ELAPOR1: variants seen among roughly 807,000 people sequenced by gnomAD.
ELAPOR1 encodes endosome/lysosome-associated apoptosis and autophagy regulator 1.
A neutral mutation model predicts 119.7 loss-of-function variants in ELAPOR1; 77 were observed. The observed-to-expected ratio is 0.64, with a 90% CI of 0.54 to 0.78. The LOEUF is 0.78. Ranked by LOEUF, ELAPOR1 falls within the 30% of genes least tolerant of loss-of-function variation. ELAPOR1 has a pLI of 0.00. For synonymous variants in ELAPOR1, 481 were observed against 487.2 expected, an observed-to-expected ratio of 0.99 and a Z score of 0.17; for missense variants, 1,115 against 1,270.4, an observed-to-expected ratio of 0.88 and a Z score of 1.86.
chr1:109,144,061 A>AT (rs71069655), intron 1 of ELAPOR1, among the ~76,000 whole-genome samples: 5,339 of 88,138 alleles, frequency 0.061, 458 homozygotes, highest in East Asian at 0.15. Flanking sequence ...ATATTTATAT[A>AT]TTTTTTTTTT....
chr1:109,135,374 G>A (rs996961552), intron 1 of ELAPOR1, among the ~76,000 whole-genome samples: 1 of 152,046 alleles, frequency 6.6e-6, no homozygotes, highest in Non-Finnish European at 1.5e-5. Context: ...CTCCCCAGTA[G>A]CTAGGATTAC....
intron 3 of ELAPOR1, among the ~76,000 whole-genome samples, chr1:109,171,501 G>A (rs781450563): frequency 3.9e-4 from 59 of 151,986 alleles, no homozygotes; most frequent in Admixed American, 1.1e-3. Context: ...GTGGTGAGCC[G>A]AGGCCACGCC....
rs1013924285 is a variant in ELAPOR1, at chr1:109,167,305, C to A, written c.467+2614C>A. ...GGGTTAATAACAACTTGTGTTTCCACCGCACGGACTATTTCAGGGCCTGCA... is the reference window on the plus strand; with the variant it reads ...GGGTTAATAACAACTTGTGTTTCCAACGCACGGACTATTTCAGGGCCTGCA... On this transcript the variant is annotated intron_variant, in intron 3 of 21. Coordinates refer to ENST00000369939, the MANE Select transcript of ELAPOR1 (RefSeq NM_020775.5). Among the ~76,000 whole-genome samples the A allele has an allele frequency of 3.3e-5, 5 of 152,122 alleles. No homozygotes were observed. In the South Asian group the frequency reaches 1.0e-3, roughly 32 times the overall value.
rs1337990500 is a variant in ELAPOR1, at chr1:109,144,055, TTATATA to T, written c.154-17837_154-17832del. Among the ~76,000 whole-genome samples the T allele has an allele frequency of 1.7e-3, 109 of 64,356 alleles. 1 individual carries two copies. The highest frequency in any genetic ancestry group is 2.7e-3 in the Non-Finnish European group (87 of 32,670). 42.2% of individuals were successfully genotyped at this position (64,356 alleles called of 152,430 possible). On this transcript the variant is annotated intron_variant, in intron 1 of 21. Coordinates refer to ENST00000369939, the MANE Select transcript of ELAPOR1 (RefSeq NM_020775.5). ...AAATTATATATATATATATATATAT[TTATATA>T]TTTTTTTTTTTTTTTGAGATGGAGT...
At chr1:109,186,241 C>T (rs1404316352) in intron 8 of ELAPOR1, among the ~76,000 whole-genome samples, 4 of 151,864 alleles carry the variant, frequency 2.6e-5, no homozygotes, top group South Asian at 2.1e-4. Context: ...GGAGAGGAGG[C>T]GGCAGCTGGG....
chr1:109,137,488 G>A (rs1437058762), intron 1 of ELAPOR1, among the ~76,000 whole-genome samples: 1 of 151,184 alleles, frequency 6.6e-6, no homozygotes, highest in African/African-American at 2.4e-5. Flanking sequence ...ACAAATGTAA[G>A]CCACCACACC....
chr1:109,186,853 G>A lies in ELAPOR1; in HGVS notation c.1042-1324G>A, dbSNP rs983334740. The A allele has an allele frequency of 9.1e-6, 9 of 985,398 alleles. No homozygotes were observed. In the East Asian group the frequency reaches 3.4e-4, roughly 37 times the overall value. 61.0% of individuals were successfully genotyped at this position (985,398 alleles called of 1,614,324 possible). A position where few individuals can be genotyped will look rare whatever the true frequency, so the allele number is the denominator to read the frequency against. On this transcript the variant is annotated intron_variant, in intron 8 of 21. Coordinates refer to ENST00000369939, the MANE Select transcript of ELAPOR1 (RefSeq NM_020775.5). The stretch of plus-strand genomic sequence containing the variant: ...TACCGTGCTTGCTGCCTGAAAGCCC[G>A]GGTGTCTGCCTTGGCCTGACCACTG...
intron 1 of ELAPOR1, among the ~76,000 whole-genome samples, chr1:109,141,025 T>C (rs1255002847): frequency 1.3e-5 from 2 of 152,012 alleles, no homozygotes; most frequent in Non-Finnish European, 2.9e-5. Context: ...CTAATTTTTG[T>C]GTTTTTAGTA....
chr1:109,132,296 C>T lies in ELAPOR1; in HGVS notation c.153+17960C>T, dbSNP rs1275045058. On this transcript the variant is annotated intron_variant, in intron 1 of 21. Transcript: ENST00000369939. ...TTGAACAGCTTGGATTACAGGCATC[C>T]GCCACCACATCCCGCTAATTTTTGT... 1.1e-4 allele frequency among the ~76,000 whole-genome samples: 16 copies of T among 151,964 alleles called. No homozygotes were observed. The East Asian group carries it at 2.3e-3, about 22-fold the overall frequency.
intron 1 of ELAPOR1, among the ~76,000 whole-genome samples, chr1:109,126,754 A>T (rs1295065617): frequency 6.6e-6 from 1 of 152,226 alleles, no homozygotes; most frequent in Non-Finnish European, 1.5e-5. Flanking sequence ...TACAGGTGTC[A>T]GCCTCCGTGC....
intron 3 of ELAPOR1, among the ~76,000 whole-genome samples, chr1:109,165,499 C>T (rs753158385): frequency 1.5e-4 from 23 of 151,310 alleles, no homozygotes; most frequent in Non-Finnish European, 2.7e-4. Flanking sequence ...GCAGGAGAAT[C>T]GCTTGAACTG....
At chr1:109,189,428 G>A (rs1014116091) in intron 10 of ELAPOR1, among the ~76,000 whole-genome samples, 164 bp from the exon 11 acceptor site, 1 of 152,176 alleles carries the variant, frequency 6.6e-6, no homozygotes. Context: ...AGAGCTTCAG[G>A]GTTTTTGACC....
At chr1:109,149,961 C>G (rs1650428551) in intron 1 of ELAPOR1, among the ~76,000 whole-genome samples, 1 of 152,162 alleles carries the variant, frequency 6.6e-6, no homozygotes, top group Non-Finnish European at 1.5e-5. Context: ...AGTGCCGGGC[C>G]CCGAGCCTGG....
intron 1 of ELAPOR1, among the ~76,000 whole-genome samples, chr1:109,154,778 G>A (rs1650765679): frequency 6.6e-6 from 1 of 152,206 alleles, no homozygotes; most frequent in African/African-American, 2.4e-5. Context: ...GCTGTTGCAG[G>A]GGTTATTTCG....
At chr1:109,115,030 G>A (rs968023571) in intron 1 of ELAPOR1, among the ~76,000 whole-genome samples, 1 of 152,118 alleles carries the variant, frequency 6.6e-6, no homozygotes, top group Non-Finnish European at 1.5e-5. Context: ...CTCCTTCTCT[G>A]ACTTAACATA....
intron 7 of ELAPOR1, among the ~76,000 whole-genome samples, chr1:109,181,165 G>A (rs648093): frequency 0.81 from 123,365 of 152,110 alleles, 50,620 homozygotes; most frequent in East Asian, 1. Context: ...TGTCTGACCC[G>A]GGCCTGTGTC....
At chr1:109,139,621 A>G (rs1255317119) in intron 1 of ELAPOR1, among the ~76,000 whole-genome samples, 2 of 152,174 alleles carry the variant, frequency 1.3e-5, no homozygotes, top group Non-Finnish European at 2.9e-5. Flanking sequence ...ATTTTGAGCC[A>G]GATATTGACA....
At chr1:109,150,424 A>G (rs1405435966) in intron 1 of ELAPOR1, among the ~76,000 whole-genome samples, 4 of 152,118 alleles carry the variant, frequency 2.6e-5, no homozygotes, top group East Asian at 4.0e-4. Flanking sequence ...GGGATTGAGG[A>G]CGGCCAGCAA....
chr1:109,165,106 C>G (rs1293908453), intron 3 of ELAPOR1, among the ~76,000 whole-genome samples: 1 of 152,060 alleles, frequency 6.6e-6, no homozygotes, highest in East Asian at 1.9e-4. Context: ...GCCTGGGAAA[C>G]ATAGCGAGAC....
Sources: gnomAD v4.1 joint callset for allele counts (sites outside exome capture counted in the v4.1 genomes callset) on GRCh38, gnomAD v4.1.1 for gene constraint, MANE v1.5 for transcripts, NCBI Gene and HGNC (gene_info 2026-07-23, HGNC 2026-07-21) for gene names.